RFC1: variants seen among roughly 807,000 people sequenced by gnomAD.
The protein encoded by RFC1 is replication factor C subunit 1.
Under a neutral mutation model 137.4 loss-of-function variants are expected in RFC1, and 37 were observed. The observed-to-expected ratio is 0.27, with a 90% confidence interval of 0.21 to 0.35. RFC1 has a LOEUF of 0.35. Ranked by LOEUF, RFC1 falls within the 10% of genes least tolerant of loss-of-function variation. The pLI is 1.00. For missense variants in RFC1, 1,205 were observed against 1,358.5 expected, an observed-to-expected ratio of 0.89 and a Z score of 1.78; for synonymous variants, 429 against 455.7, an observed-to-expected ratio of 0.94 and a Z score of 0.75.
chr4:39,347,996 C>T (rs540308879), intron 2 of RFC1, among the ~76,000 whole-genome samples: 78 of 152,224 alleles, frequency 5.1e-4, no homozygotes, highest in Non-Finnish European at 3.8e-4. Flanking sequence ...CTTGAAGATG[C>T]GGCCTGAGTC....
intron 4 of RFC1, among the ~76,000 whole-genome samples, chr4:39,339,608 T>C (rs545864351): frequency 9.7e-4 from 147 of 152,330 alleles, no homozygotes; most frequent in African/African-American, 3.5e-3. Context: ...TTCTATTGAA[T>C]TGTATGAATT....
chr4:39,357,261 T>C (rs979371161), intron 1 of RFC1, among the ~76,000 whole-genome samples: 1 of 152,158 alleles, frequency 6.6e-6, no homozygotes, highest in Non-Finnish European at 1.5e-5. Context: ...GCCACTCCCA[T>C]GACAGCAAAA....
chr4:39,323,971 T>C (rs2109677275), intron 6 of RFC1, among the ~76,000 whole-genome samples: 1 of 152,348 alleles, frequency 6.6e-6, no homozygotes, highest in South Asian at 2.1e-4. Context: ...TAAGTCATCA[T>C]GTCAGGAGTT....
At chr4:39,348,424 A>AAAAACAAAAC (rs1740977133) in intron 2 of RFC1, among the ~76,000 whole-genome samples, 1 of 71,814 alleles carries the variant, frequency 1.4e-5, no homozygotes, top group Non-Finnish European at 3.0e-5. Context: ...CTCTGTTTCA[A>AAAAACAAAAC]AAAAGAAAAG....
intron 1 of RFC1, among the ~76,000 whole-genome samples, chr4:39,355,313 TA>T (rs1221552351): frequency 1.3e-5 from 2 of 150,282 alleles, no homozygotes; most frequent in Admixed American, 1.3e-4. Context: ...TGCATGCCTG[TA>T]GTCCCAGCTA....
intron 22 of RFC1, among the ~76,000 whole-genome samples, chr4:39,293,278 T>C (rs1737790166): frequency 2.0e-5 from 3 of 152,174 alleles, no homozygotes; most frequent in African/African-American, 7.2e-5. Flanking sequence ...TCCAAAACTG[T>C]TCTACAATGT....
At chr4:39,346,543 C>G (rs1740870129) in intron 2 of RFC1, among the ~76,000 whole-genome samples, 1 of 150,060 alleles carries the variant, frequency 6.7e-6, no homozygotes, top group Non-Finnish European at 1.5e-5. Flanking sequence ...TGTAGTTAAA[C>G]ATCACATTTC....
chr4:39,330,640 T>A (rs988632225), intron 4 of RFC1, among the ~76,000 whole-genome samples: 2 of 152,270 alleles, frequency 1.3e-5, no homozygotes, highest in East Asian at 3.9e-4. Flanking sequence ...AAAGGTTTAT[T>A]TCTACATTCA....
intron 1 of RFC1, among the ~76,000 whole-genome samples, chr4:39,363,250 T>C (rs1392473562): frequency 2.6e-5 from 4 of 152,148 alleles, no homozygotes; most frequent in Admixed American, 2.6e-4. Flanking sequence ...CTACATGGCT[T>C]CTTTATTTCT....
Position 39,289,873 on chromosome 4 carries a change from G to C in RFC1, c.3335C>G (p.Ala1112Gly). The change falls in exon 24 of 25, where the codon GCT (alanine) becomes GGT (glycine). Residue 1112 changes from alanine to glycine, a missense_variant. This residue lies in a region of RFC1 where 237 missense variants were observed against 304.2 expected (regional missense o/e 0.78). Transcript: ENST00000349703. ...CTTGATCATGGCATCAGTTTCTATAGCATCTTGGTCTTTCTCATCAGATTG... is the reference window on the plus strand; with the variant it reads ...CTTGATCATGGCATCAGTTTCTATACCATCTTGGTCTTTCTCATCAGATTG... ...DSQSDEKDQDAIETDAMIKKK... is the reference protein window; with the variant it reads ...DSQSDEKDQDGIETDAMIKKK... The C allele has an allele frequency of 6.2e-7, 1 of 1,612,338 alleles. No individual in the cohort carries two copies. The highest frequency in any genetic ancestry group is 8.5e-7 in the Non-Finnish European group (1 of 1,178,396).
intron 2 of RFC1, among the ~76,000 whole-genome samples, chr4:39,349,688 A>G (rs1195672129): frequency 6.6e-6 from 1 of 152,216 alleles, no homozygotes; most frequent in African/African-American, 2.4e-5. Context: ...CACAGATGTC[A>G]GAATTAGCAG....
intron 14 of RFC1, among the ~76,000 whole-genome samples, chr4:39,305,971 A>T (rs1313316376): frequency 1.3e-5 from 2 of 152,252 alleles, no homozygotes; most frequent in Non-Finnish European, 2.9e-5. Context: ...TATGCAGCAG[A>T]GGATTGAGAA....
rs201832908 is a variant in RFC1 at position 39,299,979 on chromosome 4, G to A, written c.2808+42C>T. On this transcript the variant is annotated intron_variant, in intron 21 of 24. Coordinates refer to ENST00000349703, the MANE Select transcript of RFC1 (RefSeq NM_002913.5). ...AGCTAAAAGCTATTTAGTTCTCTTA[G>A]TAAAAGCAGAGCCTGCATGTTAGGG... 9 of 1,151,042 alleles carry A rather than the reference G, an allele frequency of 7.8e-6. No individual in the cohort carries two copies. The African/African-American group carries it at 1.2e-4, about 16-fold the overall frequency. 71.3% of individuals were successfully genotyped at this position (1,151,042 alleles called of 1,614,324 possible).
At position 39,364,097 on chromosome 4, in the gene RFC1, A is replaced by G. The variant is rs996385067; in HGVS notation, c.3+2142T>C. 2.8e-3 allele frequency among the ~76,000 whole-genome samples: 430 copies of G among 150,880 alleles called. 3 individuals are homozygous for G. The highest frequency in any genetic ancestry group is 9.9e-3 in the Admixed American group (150 of 15,134). On this transcript the variant is annotated intron_variant, in intron 1 of 24. Transcript: ENST00000349703. ...CTTGCCTTTAAAAAAAAAAAAAAAA[A>G]AAAAAGAAGAAGAAGATAGGTCAAT... is the stretch of plus-strand genomic sequence containing the variant.
intron 1 of RFC1, chr4:39,365,441 G>A (rs567278802): frequency 2.0e-6 from 2 of 982,014 alleles, no homozygotes; most frequent in South Asian, 4.7e-5. Flanking sequence ...TTCAAACACA[G>A]AGCCATATCC....
chr4:39,337,140 C>T (rs13133909), intron 4 of RFC1, among the ~76,000 whole-genome samples: 13,924 of 152,048 alleles, frequency 0.092, 806 homozygotes, highest in East Asian at 0.19. Context: ...TTTGGGAGGC[C>T]GAGGCAGGCG....
At position 39,308,942 on chromosome 4, in the gene RFC1, T is replaced by C. The variant is rs1420896413; in HGVS notation, c.1579A>G (p.Lys527Glu). The C allele has an allele frequency of 1.2e-6, 2 of 1,614,178 alleles. No homozygotes were observed. Among genetic ancestry groups the C allele is most frequent in the Non-Finnish European group, 1.7e-6 (2 of 1,180,032 alleles). Residue 527 changes from lysine to glutamate, a missense_variant, in exon 13 of 25, where the codon AAA becomes GAA. Lys to Glu is a moderately conservative substitution (Grantham distance 56). Around this residue, in one of 3 missense-constraint regions of RFC1, gnomAD observed 962 missense variants for 1,035.3 expected, o/e 0.93. Coordinates refer to ENST00000349703, the MANE Select transcript of RFC1 (RefSeq NM_002913.5). ...ISPSKKESESKKSRPTSKRDS... is the reference protein window; with the variant it reads ...ISPSKKESESEKSRPTSKRDS... The stretch of plus-strand genomic sequence containing the variant: ...CTTTTGGAAGTCGGCCTGCTCTTTT[T>C]AGATTCTGATTCCTTTTTAGATGGA...
At chr4:39,329,783 C>T (rs1740001673) in intron 4 of RFC1, among the ~76,000 whole-genome samples, 2 of 151,998 alleles carry the variant, frequency 1.3e-5, no homozygotes, top group Admixed American at 6.6e-5. Context: ...ACCTGCAATC[C>T]CAGCACTCCG....
chr4:39,334,210 G>C (rs931375201), intron 4 of RFC1, among the ~76,000 whole-genome samples: 2 of 151,664 alleles, frequency 1.3e-5, no homozygotes, highest in Non-Finnish European at 2.9e-5. Context: ...CAAATATAAG[G>C]GATTTCATAT....
Sources: gnomAD v4.1 joint callset for allele counts (sites outside exome capture counted in the v4.1 genomes callset) on GRCh38, gnomAD v4.1.1 for gene constraint, gnomAD v4.1.1 regional missense constraint, MANE v1.5 for transcripts, NCBI Gene and HGNC (gene_info 2026-07-23, HGNC 2026-07-21) for gene names.